Variants in NXPH1 observed in about 807,000 individuals in gnomAD.
NXPH1 encodes neurexophilin 1.
NXPH1 carries 5 observed loss-of-function variants against 23.7 expected under a neutral mutation model. The ratio of observed to expected loss-of-function variants is 0.21; its 90% confidence interval spans 0.11 to 0.44. The LOEUF (loss-of-function observed/expected upper bound fraction) is 0.44. Ranked by LOEUF, NXPH1 falls within the 20% of genes least tolerant of loss-of-function variation. The pLI is 0.99. For synonymous variants in NXPH1, 144 were observed against 122.2 expected (o/e 1.18, Z -1.18); for missense variants, 324 against 321.6 (o/e 1.01, Z -0.06).
intron 2 of NXPH1, among the ~76,000 whole-genome samples, chr7:8,668,403 C>T (rs1820813868): frequency 6.6e-6 from 1 of 152,088 alleles, no homozygotes; most frequent in South Asian, 2.1e-4. Context: ...CTAGGCAGGC[C>T]ATTTGCTACA....
chr7:8,521,738 A>G (rs1473781602), intron 2 of NXPH1, among the ~76,000 whole-genome samples: 2 of 152,204 alleles, frequency 1.3e-5, no homozygotes, highest in African/African-American at 4.8e-5. Flanking sequence ...CATAAGAATT[A>G]AATGGCAATG....
intron 2 of NXPH1, among the ~76,000 whole-genome samples, chr7:8,720,418 T>A (rs1311846461): frequency 6.6e-6 from 1 of 152,148 alleles, no homozygotes; most frequent in Admixed American, 6.6e-5. Context: ...TCTGTGGGGA[T>A]CAACCCACTC....
chr7:8,655,177 G>A (rs952470824), intron 2 of NXPH1, among the ~76,000 whole-genome samples: 1 of 152,062 alleles, frequency 6.6e-6, no homozygotes, highest in Non-Finnish European at 1.5e-5. Context: ...TTGAAGCCAG[G>A]AACTCGAGAC....
At chr7:8,646,352 C>T (rs1017439591) in intron 2 of NXPH1, among the ~76,000 whole-genome samples, 2 of 152,070 alleles carry the variant, frequency 1.3e-5, no homozygotes, top group African/African-American at 4.8e-5. Flanking sequence ...CTTTTAAACT[C>T]TATTATTCTT....
At chr7:8,561,351 G>GACACACACATACAC (rs1554256949) in intron 2 of NXPH1, among the ~76,000 whole-genome samples, 6 of 140,966 alleles carry the variant, frequency 4.3e-5, no homozygotes, top group African/African-American at 1.6e-4. Flanking sequence ...AAGCCTATGT[G>GACACACACATACAC]ACACACACAC....
chr7:8,589,668 G>C (rs1819051416), intron 2 of NXPH1, among the ~76,000 whole-genome samples: 1 of 152,106 alleles, frequency 6.6e-6, no homozygotes, highest in African/African-American at 2.4e-5. Context: ...CTGAAGAGAA[G>C]TTGGTGAATA....
Position 8,661,535 on chromosome 7 carries a change from G to A in NXPH1, c.55-89473G>A, listed in dbSNP as rs116153007. Among the ~76,000 whole-genome samples the A allele has an allele frequency of 5.7e-3, 863 of 152,170 alleles. 8 individuals are homozygous for A. Among genetic ancestry groups the A allele is most frequent in the African/African-American group, 0.02 (824 of 41,506 alleles). ...TGTCTGAAGTGGTAAGCAGAAAAGA[G>A]GGGAGAGGAAGGGGCTTTACTGGCC... is the stretch of plus-strand genomic sequence containing the variant. On this transcript the variant is annotated intron_variant, in intron 2 of 2. Coordinates refer to ENST00000405863, the MANE Select transcript of NXPH1 (RefSeq NM_152745.3).
intron 2 of NXPH1, among the ~76,000 whole-genome samples, chr7:8,461,899 C>G (rs1816703546): frequency 6.6e-6 from 1 of 151,034 alleles, no homozygotes; most frequent in African/African-American, 2.4e-5. Context: ...TACTCAAACA[C>G]CATTTAACAC....
At position 8,654,396 on chromosome 7, in the gene NXPH1, C is replaced by G. The variant is rs769850014; in HGVS notation, c.55-96612C>G. 2.6e-5 allele frequency among the ~76,000 whole-genome samples: 4 copies of G among 152,150 alleles called. No homozygotes were observed. In the East Asian group the frequency reaches 5.8e-4, roughly 22 times the overall value. On this transcript the variant is annotated intron_variant, in intron 2 of 2. Transcript: ENST00000405863. ...AAAATGATCTGTTTGTAGAAGGCCA[C>G]AAAGCAAATATGATTATCTTATTCT...
chr7:8,483,471 G>A (rs182286684), intron 2 of NXPH1, among the ~76,000 whole-genome samples: 2 of 151,772 alleles, frequency 1.3e-5, no homozygotes, highest in African/African-American at 4.8e-5. Flanking sequence ...GCTGGGCATG[G>A]CTAAATTTTG....
chr7:8,532,098 C>T (rs1817957105), intron 2 of NXPH1, among the ~76,000 whole-genome samples: 2 of 152,234 alleles, frequency 1.3e-5, no homozygotes, highest in African/African-American at 4.8e-5. Context: ...AATCAGCTTC[C>T]TCTCTAGCAA....
intron 2 of NXPH1, among the ~76,000 whole-genome samples, chr7:8,485,156 GCT>G (rs1453998429): frequency 2.0e-5 from 3 of 152,108 alleles, no homozygotes; most frequent in African/African-American, 7.2e-5. Context: ...CTTTTCCTGT[GCT>G]CTCTTTGTGA....
At chr7:8,741,872 C>T (rs1780373793) in intron 2 of NXPH1, among the ~76,000 whole-genome samples, 1 of 152,080 alleles carries the variant, frequency 6.6e-6, no homozygotes, top group South Asian at 2.1e-4. Flanking sequence ...TTACTCTATG[C>T]TAGGCACTCC....
chr7:8,685,572 G>A (rs1821134212), intron 2 of NXPH1, among the ~76,000 whole-genome samples: 1 of 151,984 alleles, frequency 6.6e-6, no homozygotes, highest in African/African-American at 2.4e-5. Flanking sequence ...AAAACATAGT[G>A]CAGATACCTC....
chr7:8,712,680 C>A (rs1779815053), intron 2 of NXPH1, among the ~76,000 whole-genome samples: 1 of 152,196 alleles, frequency 6.6e-6, no homozygotes, highest in Non-Finnish European at 1.5e-5. Flanking sequence ...TCATTGACTT[C>A]TTATGTCAGC....
intron 2 of NXPH1, among the ~76,000 whole-genome samples, chr7:8,723,985 A>G (rs1786377321): frequency 6.6e-6 from 1 of 152,254 alleles, no homozygotes; most frequent in Non-Finnish European, 1.5e-5. Context: ...AAGCAAGTAG[A>G]TAAGTTAATA....
chr7:8,588,457 G>GA (rs35072376), intron 2 of NXPH1, among the ~76,000 whole-genome samples: 44,921 of 150,750 alleles, frequency 0.3, 7,533 homozygotes, highest in African/African-American at 0.45. Context: ...CCAGGACAGT[G>GA]AAAAAAAAAT....
intron 2 of NXPH1, among the ~76,000 whole-genome samples, chr7:8,677,139 C>T (rs975979132): frequency 6.6e-6 from 1 of 152,144 alleles, no homozygotes; most frequent in African/African-American, 2.4e-5. Context: ...TTGTTTCATA[C>T]TAATCTGGTA....
intron 2 of NXPH1, among the ~76,000 whole-genome samples, chr7:8,486,076 A>G (rs1264899937): frequency 6.6e-6 from 1 of 152,192 alleles, no homozygotes; most frequent in East Asian, 1.9e-4. Context: ...GAGGTACCCC[A>G]TAAATGCCAT....
Sources: gnomAD v4.1 joint callset for allele counts (sites outside exome capture counted in the v4.1 genomes callset) on GRCh38, gnomAD v4.1.1 for gene constraint, MANE v1.5 for transcripts, NCBI Gene and HGNC (gene_info 2026-07-23, HGNC 2026-07-21) for gene names.